The following MZT2A variants were observed in gnomAD, a reference collection of about 807,000 sequenced individuals.
The protein encoded by MZT2A is mitotic spindle organizing protein 2A.
Under a neutral mutation model 12.4 loss-of-function variants are expected in MZT2A, and 8 were observed. That is an observed-to-expected ratio of 0.64 (90% confidence interval 0.38 to 1.16). The LOEUF is 1.16. Among genes scored for constraint, MZT2A ranks in the 50% most tolerant of loss-of-function variants. The probability of loss-of-function intolerance (pLI) is 0.01; values close to 1 mark genes in which losing one functional copy is unlikely to be tolerated. For missense variants in MZT2A, 181 were observed against 223.6 expected, an observed-to-expected ratio of 0.81 and a Z score of 1.22; for synonymous variants, 88 against 107.5, an observed-to-expected ratio of 0.82 and a Z score of 1.12.
At chr2:131,491,290 G>A (rs1679288261) in intron 2 of MZT2A, 2 of 310,088 alleles carry the variant, frequency 6.4e-6, no homozygotes, top group South Asian at 3.3e-5. Context: ...TGCACCCTGG[G>A]AGTTCCGCGT....
At chr2:131,492,926 G>A, upstream of MZT2A, 1 of 1,519,954 alleles carries the variant, frequency 6.6e-7, no homozygotes, top group Non-Finnish European at 8.9e-7. Context: ...CCCTCCCCCC[G>A]CACTCCTGCC....
chr2:131,474,549 A>G (rs2105265505), intron 2 of MZT2A, among the ~76,000 whole-genome samples: 1 of 150,962 alleles, frequency 6.6e-6, no homozygotes, highest in African/African-American at 2.4e-5. Context: ...AGCTGGGACT[A>G]TAGGTGCTCA....
intron 2 of MZT2A, among the ~76,000 whole-genome samples, chr2:131,474,404 TC>T (rs1296293222): frequency 7.8e-5 from 9 of 114,676 alleles, no homozygotes; most frequent in African/African-American, 3.4e-4. Context: ...GTCTTCTTCT[TC>T]TTTTTTTTTT....
At chr2:131,484,989 T>C (rs983634855) in intron 2 of MZT2A, among the ~76,000 whole-genome samples, 2 of 152,212 alleles carry the variant, frequency 1.3e-5, no homozygotes, top group African/African-American at 4.8e-5. Context: ...TTTATTTTAA[T>C]GGGATGCATT....
chr2:131,473,987 C>A (rs1290345897), intron 2 of MZT2A, among the ~76,000 whole-genome samples: 1 of 149,232 alleles, frequency 6.7e-6, no homozygotes, highest in Non-Finnish European at 1.5e-5. Context: ...TGTACTCATG[C>A]CCTGGGGTGA....
intron 2 of MZT2A, chr2:131,478,713 G>C: frequency 2.3e-6 from 1 of 442,298 alleles, no homozygotes; most frequent in Admixed American, 3.9e-5. Flanking sequence ...CCCGAATGCT[G>C]TGCATTCTCT....
intron 2 of MZT2A, among the ~76,000 whole-genome samples, chr2:131,476,969 G>T (rs2105267850): frequency 1.4e-5 from 2 of 144,402 alleles, no homozygotes; most frequent in African/African-American, 5.6e-5. Context: ...TAACATAACA[G>T]ATTCCCAAGT....
intron 2 of MZT2A, chr2:131,491,128 T>G (rs1175369248): frequency 3.1e-6 from 2 of 635,454 alleles, no homozygotes; most frequent in East Asian, 5.8e-5. Context: ...GAGGTTGTGC[T>G]GCATTTCAGA....
intron 2 of MZT2A, chr2:131,478,356 G>A: frequency 6.2e-7 from 1 of 1,613,902 alleles, no homozygotes; most frequent in Non-Finnish European, 8.5e-7. Flanking sequence ...GCCCAGAGCA[G>A]TGTTTGTGGA....
At chr2:131,475,214 G>C (rs1678616499) in intron 2 of MZT2A, among the ~76,000 whole-genome samples, 1 of 151,158 alleles carries the variant, frequency 6.6e-6, no homozygotes, top group African/African-American at 2.4e-5. Context: ...CTCCTGACCT[G>C]AAGCAGTCCT....
At chr2:131,480,101 C>T (rs982075840), downstream of MZT2A, 1 of 1,608,494 alleles carries the variant, frequency 6.2e-7, no homozygotes, top group Non-Finnish European at 8.5e-7. Flanking sequence ...AGGGCTTCCT[C>T]ATCTTCCACA....
chr2:131,493,042 C>A, upstream of MZT2A: 1 of 1,487,376 alleles, frequency 6.7e-7, no homozygotes, highest in East Asian at 2.5e-5. Flanking sequence ...CGCCCGGCCG[C>A]GGGGCGTGGC....
At chr2:131,474,271 G>C (rs1197624019) in intron 2 of MZT2A, among the ~76,000 whole-genome samples, 1 of 151,780 alleles carries the variant, frequency 6.6e-6, no homozygotes, top group Non-Finnish European at 1.5e-5. Context: ...CTAATTTTTT[G>C]TATTTTTAGT....
At chr2:131,492,507 C>A, upstream of MZT2A, 2 of 1,109,958 alleles carry the variant, frequency 1.8e-6, no homozygotes, top group Non-Finnish European at 2.2e-6. Context: ...AGCGCGGGGA[C>A]GGGGCCGCCT....
At chr2:131,482,849 G>C (rs905785645), downstream of MZT2A, 3 of 1,612,462 alleles carry the variant, frequency 1.9e-6, no homozygotes, top group African/African-American at 2.7e-5. Flanking sequence ...AGAATACTGA[G>C]GGGAGGGTGT....
At chr2:131,493,262 C>A (rs1160139507), upstream of MZT2A, 3 of 1,343,470 alleles carry the variant, frequency 2.2e-6, no homozygotes, top group South Asian at 3.8e-5. Context: ...GCGGCTCTGC[C>A]CAGGCCGGGC....
chr2:131,477,794 G>A (rs1039529365), intron 2 of MZT2A, among the ~76,000 whole-genome samples: 4 of 151,914 alleles, frequency 2.6e-5, no homozygotes, highest in Non-Finnish European at 4.4e-5. Flanking sequence ...TACCCAACCC[G>A]ACTACCTTAT....
chr2:131,493,045 G>A, upstream of MZT2A: 2 of 1,491,884 alleles, frequency 1.3e-6, no homozygotes, highest in Admixed American at 2.3e-5. Flanking sequence ...CCGGCCGCGG[G>A]GCGTGGCTCT....
At chr2:131,470,480 C>A in intron 3 of MZT2A, 1 of 346,666 alleles carries the variant, frequency 2.9e-6, no homozygotes, top group Non-Finnish European at 5.7e-6. Flanking sequence ...TGGGAGAAAT[C>A]CCCTGCTTGG....
Sources: allele counts gnomAD v4.1 joint callset (sites outside exome capture counted in the v4.1 genomes callset), GRCh38; gene constraint gnomAD v4.1.1; transcripts MANE v1.5; gene names NCBI Gene and HGNC (gene_info 2026-07-23, HGNC 2026-07-21).